The following NOL4 variants were observed in gnomAD, a reference collection of about 807,000 sequenced individuals.
The protein encoded by NOL4 is cancer/testis antigen 125.
NOL4 carries 17 observed loss-of-function variants against 75.9 expected under a neutral mutation model. That is an observed-to-expected ratio of 0.22 (90% CI 0.15 to 0.34). The LOEUF (loss-of-function observed/expected upper bound fraction) is 0.34, where lower values mean the gene tolerates loss of function less well. NOL4 is among the 10% of genes least tolerant of loss of function. The pLI is 1.00. For missense variants in NOL4, 614 were observed against 793.5 expected (o/e 0.77, Z 2.72); for synonymous variants, 292 against 289.9 (o/e 1.01, Z -0.07).
chr18:34,083,697 T>C (rs1230401340), intron 5 of NOL4, among the ~76,000 whole-genome samples: 1 of 152,210 alleles, frequency 6.6e-6, no homozygotes, highest in Non-Finnish European at 1.5e-5. Context: ...TCAATATTTA[T>C]GGCTGAGAGG....
chr18:34,078,619 T>C (rs1322802607), intron 5 of NOL4, among the ~76,000 whole-genome samples: 2 of 152,252 alleles, frequency 1.3e-5, no homozygotes, highest in Admixed American at 6.5e-5. Context: ...AGATAACTTA[T>C]TGGTGTATCT....
intron 1 of NOL4, among the ~76,000 whole-genome samples, chr18:34,145,036 C>G (rs1182241283): frequency 6.6e-6 from 1 of 152,104 alleles, no homozygotes; most frequent in Non-Finnish European, 1.5e-5. Flanking sequence ...GCCACTGTAT[C>G]TGCTTTGGAG....
At chr18:34,059,101 A>G (rs1305544619) in intron 5 of NOL4, among the ~76,000 whole-genome samples, 2 of 138,486 alleles carry the variant, frequency 1.4e-5, no homozygotes, top group East Asian at 2.2e-4. Context: ...ACACATATAT[A>G]TAGAGAGATA....
intron 5 of NOL4, among the ~76,000 whole-genome samples, chr18:34,029,361 C>T (rs905457958): frequency 1.3e-5 from 2 of 152,114 alleles, no homozygotes; most frequent in Non-Finnish European, 2.9e-5. Context: ...GTAGCCCACA[C>T]ACATAAAAAT....
chr18:33,871,749 A>T (rs2063710694), intron 10 of NOL4, among the ~76,000 whole-genome samples: 1 of 151,976 alleles, frequency 6.6e-6, no homozygotes, highest in Admixed American at 6.6e-5. Flanking sequence ...CAGTTAGAGA[A>T]CAGGCTTTTA....
intron 4 of NOL4, among the ~76,000 whole-genome samples, 172 bp from the exon 5 acceptor site, chr18:34,093,769 G>A (rs898399832): frequency 6.6e-6 from 1 of 152,198 alleles, no homozygotes; most frequent in South Asian, 2.1e-4. Context: ...GCCGGGCGTG[G>A]TGGCTCAGGT....
intron 5 of NOL4, among the ~76,000 whole-genome samples, chr18:34,067,581 T>G (rs2077335405): frequency 6.6e-6 from 1 of 152,086 alleles, no homozygotes. Context: ...AGAAAAGTGT[T>G]CAGATTTTAG....
At chr18:34,111,988 T>G (rs1177601562) in intron 2 of NOL4, among the ~76,000 whole-genome samples, 1 of 152,194 alleles carries the variant, frequency 6.6e-6, no homozygotes, top group African/African-American at 2.4e-5. Context: ...TTTCTGGGAA[T>G]ATATCCAAAG....
chr18:33,920,285 A>G (rs2066956351), intron 9 of NOL4, among the ~76,000 whole-genome samples: 1 of 152,166 alleles, frequency 6.6e-6, no homozygotes, highest in African/African-American at 2.4e-5. Flanking sequence ...AAATGAATAT[A>G]TTGGTTGTAC....
At chr18:33,929,743 T>C (rs891209171) in intron 9 of NOL4, among the ~76,000 whole-genome samples, 14 of 152,182 alleles carry the variant, frequency 9.2e-5, no homozygotes, top group African/African-American at 3.4e-4. Context: ...TTAATATATA[T>C]TTGCTAAATA....
intron 2 of NOL4, among the ~76,000 whole-genome samples, chr18:34,129,157 A>G (rs9964844): frequency 1.9e-4 from 29 of 152,074 alleles, no homozygotes; most frequent in African/African-American, 6.7e-4. Flanking sequence ...TGTCTAGATC[A>G]AACTGTAGGT....
intron 1 of NOL4, among the ~76,000 whole-genome samples, chr18:34,153,137 G>A (rs926134752): frequency 1.3e-5 from 2 of 151,620 alleles, no homozygotes; most frequent in African/African-American, 4.8e-5. Flanking sequence ...AAATATTTTC[G>A]TTATATTTTT....
chr18:34,180,417 G>C (rs565360722), intron 1 of NOL4, among the ~76,000 whole-genome samples: 1 of 151,638 alleles, frequency 6.6e-6, no homozygotes, highest in East Asian at 1.9e-4. Flanking sequence ...AAAAGTATTT[G>C]AGAAAAATCC....
At chr18:33,882,822 A>C (rs1430673276) in intron 10 of NOL4, among the ~76,000 whole-genome samples, 2 of 151,992 alleles carry the variant, frequency 1.3e-5, no homozygotes, top group Admixed American at 1.3e-4. Context: ...TCCAACAATG[A>C]TAGACTGGAT....
chr18:34,077,680 C>G (rs2077812274), intron 5 of NOL4, among the ~76,000 whole-genome samples: 1 of 151,728 alleles, frequency 6.6e-6, no homozygotes, highest in Non-Finnish European at 1.5e-5. Context: ...ATACATAAAA[C>G]AAAGAAGAGA....
At chr18:33,972,344 A>C (rs2071134841) in intron 6 of NOL4, among the ~76,000 whole-genome samples, 1 of 152,130 alleles carries the variant, frequency 6.6e-6, no homozygotes, top group Admixed American at 6.6e-5. Context: ...TCTAAAGATG[A>C]CCAAGAAACA....
chr18:33,950,212 C>G (rs17816491), intron 8 of NOL4, among the ~76,000 whole-genome samples: 24,284 of 150,274 alleles, frequency 0.16, 2,340 homozygotes, highest in East Asian at 0.39. Flanking sequence ...TGGTTAAGAT[C>G]AAGTGTAATT....
rs1380702662 is a variant in NOL4 at position 34,139,077 on chromosome 18, G to T, written c.265-9057C>A. On this transcript the variant is annotated intron_variant, in intron 1 of 10. Transcript: ENST00000261592. ...TTTGATGTGCTGCTGGATTTGAATT[G>T]CCAGTATTTTATTGAGGATTTTTGC... Among the ~76,000 whole-genome samples, 10 of 152,282 alleles carry T rather than the reference G, an allele frequency of 6.6e-5. No individual in the cohort carries two copies. The East Asian group carries it at 1.9e-3, about 29-fold the overall frequency.
At chr18:34,109,783 CAG>C (rs1402627221) in intron 2 of NOL4, among the ~76,000 whole-genome samples, 1 of 151,242 alleles carries the variant, frequency 6.6e-6, no homozygotes, top group Non-Finnish European at 1.5e-5. Context: ...GACCAAGAAA[CAG>C]AGAAGAATCA....
Sources: gnomAD v4.1 joint callset for allele counts (sites outside exome capture counted in the v4.1 genomes callset) on GRCh38, gnomAD v4.1.1 for gene constraint, MANE v1.5 for transcripts, NCBI Gene and HGNC (gene_info 2026-07-23, HGNC 2026-07-21) for gene names.